DCUN1D4: variants seen among roughly 807,000 people sequenced by gnomAD.
DCUN1D4 encodes the protein DCN1-like protein 4.
Under a neutral mutation model 47.9 loss-of-function variants are expected in DCUN1D4, and 22 were observed. That is an observed-to-expected ratio of 0.46 (90% CI 0.33 to 0.66). DCUN1D4 has a LOEUF of 0.66. DCUN1D4 is among the 30% of genes least tolerant of loss of function. The pLI is 0.02. For missense variants in DCUN1D4, 301 were observed against 340.8 expected, an observed-to-expected ratio of 0.88 and a Z score of 0.92; for synonymous variants, 121 against 112.2, an observed-to-expected ratio of 1.08 and a Z score of -0.50.
At position 51,887,539 on chromosome 4, in the gene DCUN1D4, T is replaced by C. The variant is rs143899196; in HGVS notation, c.414+901T>C. Among the ~76,000 whole-genome samples, 1,060 of 152,364 alleles carry C rather than the reference T, an allele frequency of 7.0e-3. 16 individuals carry two copies. The highest frequency in any genetic ancestry group is 0.024 in the African/African-American group (1,005 of 41,588). On this transcript the variant is annotated intron_variant, in intron 6 of 10. Transcript: ENST00000334635. ...TGTTCCTACATCACCTCTCTTACACTAAAATGAAAAACTATGCTTATACAC... is the reference window on the plus strand; with the variant it reads ...TGTTCCTACATCACCTCTCTTACACCAAAATGAAAAACTATGCTTATACAC...
chr4:51,856,325 G>A (rs900111548), intron 1 of DCUN1D4, among the ~76,000 whole-genome samples: 24 of 152,136 alleles, frequency 1.6e-4, no homozygotes, highest in Admixed American at 1.2e-3. Context: ...AAAACACTTT[G>A]ATGATGCTTT....
chr4:51,884,718 G>T (rs1243083081), intron 5 of DCUN1D4, among the ~76,000 whole-genome samples: 1 of 152,176 alleles, frequency 6.6e-6, no homozygotes, highest in South Asian at 2.1e-4. Context: ...TGTGCTAAAT[G>T]TGTGAGAACC....
chr4:51,834,527 C>G, the DCUN1D4 span, among the ~76,000 whole-genome samples: 1 of 152,160 alleles, frequency 6.6e-6, no homozygotes, highest in Non-Finnish European at 1.5e-5. Context: ...TGGCACTAGT[C>G]TATTCTCCTT....
At chr4:51,899,439 T>C in intron 8 of DCUN1D4, 61 bp downstream of exon 8, 1 of 1,522,512 alleles carries the variant, frequency 6.6e-7, no homozygotes. Flanking sequence ...TTAAATTGCC[T>C]TTTGAGGTTA....
intron 8 of DCUN1D4, among the ~76,000 whole-genome samples, chr4:51,903,890 G>A (rs1003827812): frequency 2.0e-5 from 3 of 151,678 alleles, no homozygotes; most frequent in Non-Finnish European, 2.9e-5. Context: ...TTTCTGCTTC[G>A]TTGAATTTCT....
At chr4:51,835,675 TGGG>T in the DCUN1D4 span, among the ~76,000 whole-genome samples, 1 of 151,970 alleles carries the variant, frequency 6.6e-6, no homozygotes, top group African/African-American at 2.4e-5. Flanking sequence ...GGGGCATTTC[TGGG>T]GCTTGAGGAG....
chr4:51,913,198 G>T (rs1733958035), intron 9 of DCUN1D4, 92 bp from the exon 10 acceptor site: 2 of 769,426 alleles, frequency 2.6e-6, no homozygotes, highest in Admixed American at 2.5e-5. Flanking sequence ...AACCTTACAT[G>T]AACTTAATTA....
intron 1 of DCUN1D4, among the ~76,000 whole-genome samples, chr4:51,861,417 A>G (rs974095925): frequency 2.0e-5 from 3 of 152,144 alleles, no homozygotes; most frequent in Non-Finnish European, 4.4e-5. Flanking sequence ...GGAATTCCAG[A>G]TTGAGGATAA....
rs554112224 is a variant in DCUN1D4 at position 51,916,837 on chromosome 4, A to G, written c.*3253A>G. The G allele has an allele frequency of 6.6e-6, 1 of 152,634 alleles. No individual in the cohort carries two copies. Among genetic ancestry groups the G allele is most frequent in the Admixed American group, 6.5e-5 (1 of 15,288 alleles). 9.5% of individuals were successfully genotyped at this position (152,634 alleles called of 1,614,324 possible). On this transcript the variant is annotated 3_prime_UTR_variant, in exon 11 of 11. Coordinates refer to ENST00000334635, the MANE Select transcript of DCUN1D4 (RefSeq NM_001040402.3). Reference sequence around the variant, plus strand: ...AAAAGTATTTGTGTTTGGTTTCAGAACAGATGTGTAAATTTTTTCTTCTCT... The same window carrying G: ...AAAAGTATTTGTGTTTGGTTTCAGAGCAGATGTGTAAATTTTTTCTTCTCT...
rs116069679 is a variant in DCUN1D4 at position 51,863,444 on chromosome 4, G to C, written c.33G>C (p.Gln11His). The C allele has an allele frequency of 8.4e-5, 135 of 1,610,706 alleles. No individual in the cohort carries two copies. In the African/African-American group the frequency reaches 1.3e-3, roughly 16 times the overall value. Residue 11 changes from glutamine to histidine, a missense_variant, in exon 2 of 11, where the codon CAG becomes CAC. Gln to His is a conservative substitution (Grantham distance 24). Transcript: ENST00000334635. ...TTCCTTTTTCTTTTCAAGATTTTCA[G>C]CTGAACTCTCATCTCTCAACACTGG... MHSDAAAVNF[Q>H]LNSHLSTLAN...
upstream of DCUN1D4, among the ~76,000 whole-genome samples, chr4:51,838,794 G>A (rs960716912): frequency 6.6e-6 from 1 of 152,180 alleles, no homozygotes; most frequent in Non-Finnish European, 1.5e-5. Flanking sequence ...AGAAGGAACT[G>A]GCCAGGTGCG....
At chr4:51,849,844 T>C (rs1449938951) in intron 1 of DCUN1D4, among the ~76,000 whole-genome samples, 2 of 57,334 alleles carry the variant, frequency 3.5e-5, no homozygotes, top group Non-Finnish European at 2.8e-5. Context: ...TGTGTGTGTG[T>C]GCGTGCGTGT....
At chr4:51,895,343 C>T (rs1460222921) in intron 7 of DCUN1D4, among the ~76,000 whole-genome samples, 1 of 151,698 alleles carries the variant, frequency 6.6e-6, no homozygotes, top group Non-Finnish European at 1.5e-5. Context: ...TGAAGTATGG[C>T]TTATGGCTTA....
At chr4:51,876,150 A>G (rs990855597) in intron 4 of DCUN1D4, among the ~76,000 whole-genome samples, 1 of 152,216 alleles carries the variant, frequency 6.6e-6, no homozygotes, top group Admixed American at 6.5e-5. Flanking sequence ...TCAATGTTCA[A>G]TAAAAAAGAA....
At chr4:51,843,080 G>C (rs1721847220), upstream of DCUN1D4, 1 of 1,404,616 alleles carries the variant, frequency 7.1e-7, no homozygotes, top group Non-Finnish European at 9.2e-7. Context: ...GCAGCAGGGC[G>C]GCCCCTGAGC....
intron 8 of DCUN1D4, chr4:51,909,391 T>C (rs1733373025): frequency 1.1e-5 from 2 of 183,418 alleles, no homozygotes; most frequent in Non-Finnish European, 2.3e-5. Flanking sequence ...TTTACTCGTT[T>C]ATCTTGTGGA....
chr4:51,848,940 T>G (rs1722959441), intron 1 of DCUN1D4, among the ~76,000 whole-genome samples: 1 of 152,186 alleles, frequency 6.6e-6, no homozygotes, highest in African/African-American at 2.4e-5. Flanking sequence ...TAGTTCTGCC[T>G]TCGAGGATTT....
the DCUN1D4 span, among the ~76,000 whole-genome samples, chr4:51,837,654 C>CAAAAAAAA: frequency 6.9e-4 from 32 of 46,198 alleles, no homozygotes; most frequent in South Asian, 1.2e-3. Context: ...GACTCCGTCT[C>CAAAAAAAA]AAAAAAAAAA....
chr4:51,851,181 G>A (rs1454643881), intron 1 of DCUN1D4, among the ~76,000 whole-genome samples: 10 of 152,174 alleles, frequency 6.6e-5, no homozygotes, highest in Admixed American at 6.5e-4. Context: ...GATTTTTGCT[G>A]CCAGGTGCTG....
Sources: allele counts gnomAD v4.1 joint callset (sites outside exome capture counted in the v4.1 genomes callset), GRCh38; gene constraint gnomAD v4.1.1; transcripts MANE v1.5; gene names NCBI Gene and HGNC (gene_info 2026-07-23, HGNC 2026-07-21).